DNAH9: variants seen among roughly 807,000 people sequenced by gnomAD.
DNAH9 encodes the protein DNAH9 variant protein.
DNAH9 carries 345 observed loss-of-function variants against 471.6 expected under a neutral mutation model. That is an observed-to-expected ratio of 0.73 (90% CI 0.67 to 0.80). The LOEUF is 0.80. Ranked by LOEUF, DNAH9 falls within the 30% of genes least tolerant of loss-of-function variation. The pLI is 0.00. For synonymous variants in DNAH9, 2,093 were observed against 2,123.6 expected (o/e 0.99, Z 0.40); for missense variants, 5,407 against 5,609.2 (o/e 0.96, Z 1.15).
chr17:11,650,686 G>C (rs1247910020), intron 12 of DNAH9, among the ~76,000 whole-genome samples: 1 of 152,170 alleles, frequency 6.6e-6, no homozygotes, highest in South Asian at 2.1e-4. Context: ...GGTAGCCCAG[G>C]CCAGATGATT....
chr17:11,942,614 A>C, intron 67 of DNAH9, 129 bp downstream of exon 67: 1 of 922,270 alleles, frequency 1.1e-6, no homozygotes, highest in Non-Finnish European at 1.6e-6. Context: ...CTAGGTGCCC[A>C]AAAGTCATCA....
Position 11,880,096 on chromosome 17 carries a change from G to A in DNAH9, c.10497G>A (p.Glu3499=), listed in dbSNP as rs749994256. The change falls in exon 54 of 69, where the codon GAG becomes GAA. Residue 3499 remains glutamate, a synonymous_variant. Coordinates refer to ENST00000262442, the MANE Select transcript of DNAH9 (RefSeq NM_001372.4). Reference sequence around the variant, plus strand: ...TCCCTAGCTACCTTCAAATCATAGAGCAGGCCCTGGAAGCTGGAGCTGTGG... The same window carrying A: ...TCCCTAGCTACCTTCAAATCATAGAACAGGCCCTGGAAGCTGGAGCTGTGG... ...IGQKGYLQII[E]QALEAGAVVL... 6.2e-7 allele frequency: 1 copy of A among 1,613,938 alleles called. No individual in the cohort carries two copies. Among genetic ancestry groups the A allele is most frequent in the South Asian group, 1.1e-5 (1 of 91,078 alleles).
At chr17:11,694,021 T>C (rs1282436915) in intron 21 of DNAH9, 23 bp downstream of exon 21, 1 of 1,608,402 alleles carries the variant, frequency 6.2e-7, no homozygotes, top group Non-Finnish European at 8.5e-7. Flanking sequence ...CCATTACCCC[T>C]TCTCTAATAA....
intron 47 of DNAH9, 64 bp from the exon 48 acceptor site, chr17:11,822,737 G>GT: frequency 6.3e-7 from 1 of 1,593,552 alleles, no homozygotes; most frequent in Non-Finnish European, 8.6e-7. Context: ...GGGGTGAGGG[G>GT]TGAGCAGTTG....
At position 11,822,856 on chromosome 17, in the gene DNAH9, A is replaced by G. The variant is rs1458076724; in HGVS notation, c.9068A>G (p.Asn3023Ser). ...KFMAFVHTSV[N>S]QTSQSYLSNE... ...ATGGCCTTTGTCCACACAAGTGTCA[A>G]CCAAACATCCCAGTCTTATCTGAGC... Residue 3023 changes from asparagine (N) to serine (S), a missense_variant, in exon 48 of 69, where the codon AAC becomes AGC. This residue lies in a region of DNAH9 where 4,636 missense variants were observed against 4,900.3 expected (regional missense o/e 0.95). Transcript: ENST00000262442. 9 of 1,614,254 alleles carry G rather than the reference A, an allele frequency of 5.6e-6. No homozygotes were observed. Among genetic ancestry groups the G allele is most frequent in the Non-Finnish European group, 6.8e-6 (8 of 1,180,060 alleles).
At chr17:11,852,208 A>G (rs1351507319) in intron 49 of DNAH9, among the ~76,000 whole-genome samples, 1 of 152,208 alleles carries the variant, frequency 6.6e-6, no homozygotes, top group East Asian at 1.9e-4. Flanking sequence ...AATTTGGCAT[A>G]AGAATCTAAT....
intron 67 of DNAH9, among the ~76,000 whole-genome samples, chr17:11,943,005 C>CCTGCCT (rs1446059899): frequency 8.0e-5 from 12 of 150,556 alleles, no homozygotes; most frequent in Non-Finnish European, 1.6e-4. Flanking sequence ...ACGCCATTCT[C>CCTGCCT]CTGCCTCAGC....
chr17:11,629,357 T>C (rs1004088493), intron 6 of DNAH9, 60 bp from the exon 7 acceptor site: 1 of 1,482,224 alleles, frequency 6.7e-7, no homozygotes, highest in Admixed American at 1.7e-5. Context: ...TGTTTGGTTT[T>C]TTGTCCTTGC....
chr17:11,746,793 G>A (rs1386254396), intron 31 of DNAH9, among the ~76,000 whole-genome samples: 1 of 152,186 alleles, frequency 6.6e-6, no homozygotes, highest in Non-Finnish European at 1.5e-5. Context: ...ATGATTTCAA[G>A]ACTAGAATTC....
At position 11,937,651 on chromosome 17, in the gene DNAH9, G is replaced by C. The variant is rs1974759238; in HGVS notation, c.12660+129G>C. On this transcript the variant is annotated intron_variant, in intron 66 of 68. Coordinates refer to ENST00000262442, the MANE Select transcript of DNAH9 (RefSeq NM_001372.4). This position sits in a 1 kb window ranked among gnomAD's most constrained non-coding sequence, Gnocchi z 4.1. The stretch of plus-strand genomic sequence containing the variant: ...ACACACAAAGCACCAACCACCTGCA[G>C]CCTGGAGATGCTTGCCTGTCACCGC... The C allele has an allele frequency of 2.0e-6, 2 of 994,560 alleles. No homozygotes were observed. Among genetic ancestry groups the C allele is most frequent in the Admixed American group, 3.2e-5 (1 of 31,052 alleles). The allele number at this position is 994,560 out of a possible 1,614,324, so 61.6% of individuals were successfully genotyped here. A position where few individuals can be genotyped will look rare whatever the true frequency, so the allele number is the denominator to read the frequency against.
chr17:11,622,380 C>T (rs369127352), intron 6 of DNAH9, among the ~76,000 whole-genome samples: 17 of 152,246 alleles, frequency 1.1e-4, no homozygotes, highest in Admixed American at 3.3e-4. Context: ...TTCCCTCAGC[C>T]GTTTCCATCA....
At chr17:11,709,219 A>G (rs2074789748) in intron 26 of DNAH9, among the ~76,000 whole-genome samples, 1 of 152,224 alleles carries the variant, frequency 6.6e-6, no homozygotes, top group Non-Finnish European at 1.5e-5. Flanking sequence ...CTACTGTGAA[A>G]TGATGCAAAT....
At chr17:11,911,415 T>C (rs1034139596) in intron 61 of DNAH9, among the ~76,000 whole-genome samples, 10 of 152,228 alleles carry the variant, frequency 6.6e-5, no homozygotes, top group African/African-American at 2.2e-4. Flanking sequence ...CAAATAACAG[T>C]CTCAATGACT....
chr17:11,884,963 T>C (rs149931274), intron 56 of DNAH9, among the ~76,000 whole-genome samples: 37 of 152,282 alleles, frequency 2.4e-4, no homozygotes, highest in African/African-American at 7.7e-4. Flanking sequence ...TGAACACTTA[T>C]TGAGTACCTG....
chr17:11,931,836 C>G (rs1251149717), intron 63 of DNAH9, among the ~76,000 whole-genome samples, 178 bp from the exon 64 acceptor site: 3 of 152,194 alleles, frequency 2.0e-5, no homozygotes, highest in Non-Finnish European at 4.4e-5. Flanking sequence ...TAATTCAATG[C>G]TCAGCTAACC....
At chr17:11,708,749 G>A (rs2074776757) in intron 26 of DNAH9, among the ~76,000 whole-genome samples, 2 of 152,138 alleles carry the variant, frequency 1.3e-5, no homozygotes, top group African/African-American at 4.8e-5. Context: ...TAAGCTAATA[G>A]TTTGGGAGTT....
Position 11,784,377 on chromosome 17 carries a change from G to A in DNAH9, c.7899G>A (p.Gln2633=). ...LSSIYSIILT[Q]HLKLGNFPAS... ...CTATCTACAGCATCATCCTCACTCAGCATCTGAAGCTCGGAAACTTCCCGG... is the reference window on the plus strand; with the variant it reads ...CTATCTACAGCATCATCCTCACTCAACATCTGAAGCTCGGAAACTTCCCGG... Residue 2633 remains glutamine, a synonymous_variant, in exon 41 of 69, where the codon CAG becomes CAA. Coordinates refer to ENST00000262442, the MANE Select transcript of DNAH9 (RefSeq NM_001372.4). 1 of 1,614,144 alleles carries A rather than the reference G, an allele frequency of 6.2e-7. No individual in the cohort carries two copies. Among genetic ancestry groups the A allele is most frequent in the Non-Finnish European group, 8.5e-7 (1 of 1,180,030 alleles).
chr17:11,719,445 C>T lies in DNAH9; in HGVS notation c.5664C>T (p.Gly1888=). 6.2e-7 allele frequency: 1 copy of T among 1,613,846 alleles called. No individual in the cohort carries two copies. The highest frequency in any genetic ancestry group is 8.5e-7 in the Non-Finnish European group (1 of 1,179,952). Residue 1888 remains glycine, a synonymous_variant, in exon 27 of 69, where the codon GGC becomes GGT. Transcript: ENST00000262442. The part of the protein sequence containing the change: ...ETTKDLGRAL[G]ILVYVFNCSE... ...CCAAGGACCTGGGCCGCGCACTGGG[C>T]ATCCTGGTCTATGTGTTCAACTGCT...
At position 11,869,251 on chromosome 17, in the gene DNAH9, C is replaced by T. The variant is rs769637992; in HGVS notation, c.10051C>T (p.Leu3351=). 1.9e-6 allele frequency: 3 copies of T among 1,613,266 alleles called. No homozygotes were observed. Among genetic ancestry groups the T allele is most frequent in the Non-Finnish European group, 2.5e-6 (3 of 1,179,712 alleles). ...TAVTISLANR[L]VGGLASENVR... is the part of the protein sequence containing the mutation. ...AGTCACCATCTCCCTTGCCAACCGC[C>T]TGGTGAGTGTAAGCCACAGCAGCCC... The change falls in exon 51 of 69, where the codon CTG becomes TTG. Residue 3351 remains leucine, a splice_region_variant and synonymous_variant. Coordinates refer to ENST00000262442, the MANE Select transcript of DNAH9 (RefSeq NM_001372.4).
Sources: gnomAD v4.1 joint callset for allele counts (sites outside exome capture counted in the v4.1 genomes callset) on GRCh38, gnomAD v4.1.1 for gene constraint, gnomAD v4.1.1 regional missense constraint, Gnocchi (gnomAD v3.1) non-coding constraint, MANE v1.5 for transcripts, NCBI Gene and HGNC (gene_info 2026-07-23, HGNC 2026-07-21) for gene names.